The following SMTNL2 variants were observed in gnomAD, a reference collection of about 807,000 sequenced individuals.
The protein encoded by SMTNL2 is smoothelin-like protein 2.
SMTNL2 carries 43 observed loss-of-function variants against 44.1 expected under a neutral mutation model. The ratio of observed to expected loss-of-function variants is 0.98; its 90% CI spans 0.76 to 1.26. The LOEUF is 1.26. Among genes scored for constraint, SMTNL2 ranks in the 50% most tolerant of loss-of-function variants. The pLI is 0.00. For missense variants in SMTNL2, 646 were observed against 670.2 expected, an observed-to-expected ratio of 0.96 and a Z score of 0.40; for synonymous variants, 317 against 287.6, an observed-to-expected ratio of 1.10 and a Z score of -1.03.
upstream of SMTNL2, chr17:4,584,509 G>A (rs955349483): frequency 2.5e-6 from 3 of 1,192,838 alleles, no homozygotes; most frequent in Admixed American, 4.4e-5. Flanking sequence ...CCCCTCGAGC[G>A]AAGCCAGCCA....
chr17:4,597,228 C>T lies in SMTNL2; in HGVS notation c.1164C>T (p.Ala388=), dbSNP rs775266738. 5.6e-6 allele frequency: 9 copies of T among 1,614,156 alleles called. No individual in the cohort carries two copies. Among genetic ancestry groups the T allele is most frequent in the Admixed American group, 5.0e-5 (3 of 60,022 alleles). The change falls in exon 7 of 8, where the codon GCC becomes GCT. Residue 388 remains alanine (A), a synonymous_variant. Transcript: ENST00000389313. ...GGAGCGACGGCATGGCCTTCTGCGC[C>T]CTGGTACACTCCTTCTTCCCCGATG... ...SSWSDGMAFC[A]LVHSFFPDAF...
Position 4,593,028 on chromosome 17 carries a change from C to T in SMTNL2, c.587C>T (p.Pro196Leu), listed in dbSNP as rs1194461542. The T allele has an allele frequency of 4.3e-6, 7 of 1,613,946 alleles. No homozygotes were observed. Among genetic ancestry groups the T allele is most frequent in the African/African-American group, 1.3e-5 (1 of 74,936 alleles). ...CTCTCCTTGCGGCTGCCCCACCAGC[C>T]AGTCACGGCCATCACCCGAGTCTCT... ...VSLSLRLPHQPVTAITRVSDR... is the reference protein window; with the variant it reads ...VSLSLRLPHQLVTAITRVSDR... Residue 196 changes from proline to leucine, a missense_variant, in exon 3 of 8, where the codon CCA (proline) becomes CTA (leucine). Transcript: ENST00000389313.
chr17:4,599,808 T>C (rs1477328823), intron 7 of SMTNL2, among the ~76,000 whole-genome samples: 1 of 152,184 alleles, frequency 6.6e-6, no homozygotes, highest in Admixed American at 6.5e-5. Flanking sequence ...GTTTCTTCTA[T>C]TCCCAGCTTG....
At chr17:4,599,433 C>G (rs553466220) in intron 7 of SMTNL2, among the ~76,000 whole-genome samples, 3 of 152,256 alleles carry the variant, frequency 2.0e-5, no homozygotes, top group African/African-American at 7.2e-5. Context: ...TCAGAGGACA[C>G]AGGGTCAGGG....
Position 4,584,609 on chromosome 17 carries a change from G to C in SMTNL2, c.4G>C (p.Glu2Gln). The C allele has an allele frequency of 8.1e-7, 1 of 1,241,138 alleles. No individual in the cohort carries two copies. The highest frequency in any genetic ancestry group is 3.3e-5 in the East Asian group (1 of 30,678). 76.9% of individuals were successfully genotyped at this position (1,241,138 alleles called of 1,614,324 possible). ...GACCCGCGCGCTCTGCTGGGCCATG[G>C]AGCCGGCCCCCGACGCCCAGGAGGC... is the stretch of plus-strand genomic sequence containing the variant. MEPAPDAQEART... is the reference protein window; with the variant it reads MQPAPDAQEART... The change falls in exon 1 of 8, where the codon GAG becomes CAG. Residue 2 changes from glutamate (E) to glutamine (Q), a missense_variant. Glu to Gln is a conservative substitution (Grantham distance 29). Transcript: ENST00000389313.
intron 3 of SMTNL2, among the ~76,000 whole-genome samples, chr17:4,593,389 C>T (rs1169071155): frequency 6.6e-6 from 1 of 152,234 alleles, no homozygotes; most frequent in Non-Finnish European, 1.5e-5. Context: ...TGGGGGCGAC[C>T]GTGGCTTTTA....
At chr17:4,585,589 T>C (rs11654457) in intron 1 of SMTNL2, among the ~76,000 whole-genome samples, 19,260 of 152,248 alleles carry the variant, frequency 0.13, 1,403 homozygotes, top group East Asian at 0.23. Flanking sequence ...AAACCCGCCT[T>C]GAGCCGTGTC....
chr17:4,602,801 A>G (rs1335292913), intron 7 of SMTNL2, among the ~76,000 whole-genome samples: 1 of 152,164 alleles, frequency 6.6e-6, no homozygotes, highest in African/African-American at 2.4e-5. Flanking sequence ...CCCCAGGAAA[A>G]GAAGTGGGTG....
Position 4,596,920 on chromosome 17 carries a change from C to G in SMTNL2, c.1050C>G (p.Ala350=). The part of the protein sequence containing the change: ...KRSQSFGVAS[A]SSIKQILLEW... ...CGCAGAGCTTCGGCGTGGCCAGCGC[C>G]AGCAGCATCAAGCAGATCCTGCTCG... is the stretch of plus-strand genomic sequence containing the variant. Residue 350 remains alanine (A), a synonymous_variant, in exon 6 of 8, where the codon GCC becomes GCG. Coordinates refer to ENST00000389313, the MANE Select transcript of SMTNL2 (RefSeq NM_001114974.2). The G allele has an allele frequency of 1.3e-6, 2 of 1,526,320 alleles. No homozygotes were observed. The highest frequency in any genetic ancestry group is 4.0e-5 in the Admixed American group (2 of 50,138). The allele number at this position is 1,526,320 out of a possible 1,614,324, so 94.5% of individuals were successfully genotyped here.
At chr17:4,604,249 C>T (rs2150526295) in intron 7 of SMTNL2, among the ~76,000 whole-genome samples, 1 of 152,296 alleles carries the variant, frequency 6.6e-6, no homozygotes, top group Admixed American at 6.5e-5. Flanking sequence ...CTGGCCTGTC[C>T]CAGGGAGAAA....
Position 4,595,181 on chromosome 17 carries a change from C to T in SMTNL2, c.843C>T (p.Ser281=), listed in dbSNP as rs371460356. The stretch of plus-strand genomic sequence containing the variant: ...TGACACCACCCCAGTCGCCCGTGTC[C>T]CCGCAGCCGCCAGCCATAACTCAGG... ...PLVTPPQSPV[S]PQPPAITQVH... is the part of the protein sequence containing the mutation. Residue 281 remains serine (S), a synonymous_variant, in exon 5 of 8, where the codon TCC becomes TCT. Transcript: ENST00000389313. The surrounding 1 kb of genome is among the most constrained non-coding windows in gnomAD (Gnocchi z 5.1). The T allele has an allele frequency of 6.2e-7, 1 of 1,613,080 alleles. No individual in the cohort carries two copies. The highest frequency in any genetic ancestry group is 1.3e-5 in the African/African-American group (1 of 74,952).
In SMTNL2 at chr17:4,584,624, GC is replaced by G. The variant is rs1464102088; in HGVS notation, c.22del (p.Gln8ArgfsTer70). 8.0e-7 allele frequency: 1 copy of G among 1,244,706 alleles called. No homozygotes were observed. Among genetic ancestry groups the G allele is most frequent in the Non-Finnish European group, 1.0e-6 (1 of 995,392 alleles). 77.1% of individuals were successfully genotyped at this position (1,244,706 alleles called of 1,614,324 possible). MEPAPDAQEARTVREAL... is the reference protein window; with the variant it reads MEPAPDXQEARTVREAL... ...CTGGGCCATGGAGCCGGCCCCCGACGCCCAGGAGGCGCGCACTGTGCGCGAG... is the reference window on the plus strand; with the variant it reads ...CTGGGCCATGGAGCCGGCCCCCGACGCCAGGAGGCGCGCACTGTGCGCGAG... On this transcript the variant is annotated frameshift_variant, in exon 1 of 8. Coordinates refer to ENST00000389313, the MANE Select transcript of SMTNL2 (RefSeq NM_001114974.2). LOFTEE classifies it high-confidence loss of function.
Position 4,592,782 on chromosome 17 carries a change from G to C in SMTNL2, c.488-147G>C. 1 of 1,082,166 alleles carries C rather than the reference G, an allele frequency of 9.2e-7. No individual in the cohort carries two copies. Among genetic ancestry groups the C allele is most frequent in the Non-Finnish European group, 1.3e-6 (1 of 764,252 alleles). The allele number at this position is 1,082,166 out of a possible 1,614,324, so 67.0% of individuals were successfully genotyped here. ...TGGAGCAGTAAGATATCCCTGGTAG[G>C]GGAGGTCAGAGAGGCTGGAGCAGTC... On this transcript the variant is annotated intron_variant, in intron 2 of 7. Coordinates refer to ENST00000389313, the MANE Select transcript of SMTNL2 (RefSeq NM_001114974.2). This position sits in a 1 kb window ranked among gnomAD's most constrained non-coding sequence, Gnocchi z 4.5.
chr17:4,596,416 T>C (rs1012303776), intron 5 of SMTNL2, among the ~76,000 whole-genome samples: 1 of 152,218 alleles, frequency 6.6e-6, no homozygotes, highest in Non-Finnish European at 1.5e-5. Flanking sequence ...AACTCATCCC[T>C]CCTGGCTAGG....
At chr17:4,597,716 G>C (rs1417676725) in intron 7 of SMTNL2, among the ~76,000 whole-genome samples, 1 of 152,234 alleles carries the variant, frequency 6.6e-6, no homozygotes, top group Non-Finnish European at 1.5e-5. Context: ...AGCCACAGCT[G>C]CCAGTTAGCA....
intron 5 of SMTNL2, 26 bp from the exon 6 acceptor site, chr17:4,596,834 G>A (rs1405015554): frequency 7.7e-6 from 11 of 1,420,290 alleles, no homozygotes; most frequent in South Asian, 4.5e-5. Context: ...AGGGGCCCCC[G>A]CAGCAGGCCT....
Position 4,596,993 on chromosome 17 carries a change from C to A in SMTNL2, c.1107+16C>A. 1 of 1,486,970 alleles carries A rather than the reference C, an allele frequency of 6.7e-7. No homozygotes were observed. The highest frequency in any genetic ancestry group is 1.3e-5 in the South Asian group (1 of 76,278). 92.1% of individuals were successfully genotyped at this position (1,486,970 alleles called of 1,614,324 possible). The stretch of plus-strand genomic sequence containing the variant: ...GGGCTACCAGGTGAGCCCCGGCTCC[C>A]CTCCGGCTGCTGGGACGCCCCAGCT... On this transcript the variant is annotated intron_variant, in intron 6 of 7. Transcript: ENST00000389313.
chr17:4,591,344 G>A (rs959282860), intron 1 of SMTNL2, among the ~76,000 whole-genome samples: 1 of 152,256 alleles, frequency 6.6e-6, no homozygotes, highest in Non-Finnish European at 1.5e-5. Flanking sequence ...CTGGGCTCGT[G>A]GTGGAGCCCC....
chr17:4,592,890 C>T lies in SMTNL2; in HGVS notation c.488-39C>T. The T allele has an allele frequency of 1.3e-6, 2 of 1,583,318 alleles. No homozygotes were observed. Among genetic ancestry groups the T allele is most frequent in the Middle Eastern group, 1.7e-4 (1 of 5,938 alleles). ...GGAGGTCCCAGGCCCCTGTGGCTGC[C>T]ACAGCTGACCACCCACCCATGCTGG... is the stretch of plus-strand genomic sequence containing the variant. On this transcript the variant is annotated intron_variant, in intron 2 of 7. Transcript: ENST00000389313. The surrounding 1 kb of genome is among the most constrained non-coding windows in gnomAD (Gnocchi z 4.5).
Sources: allele counts gnomAD v4.1 joint callset (sites outside exome capture counted in the v4.1 genomes callset), GRCh38; gene constraint gnomAD v4.1.1; non-coding constraint Gnocchi (gnomAD v3.1); transcripts MANE v1.5; gene names NCBI Gene and HGNC (gene_info 2026-07-23, HGNC 2026-07-21).